The following COG6 variants were observed in gnomAD, a reference collection of about 807,000 sequenced individuals.
COG6 encodes component of oligomeric golgi complex 6, also known as conserved oligomeric Golgi complex subunit 6.
In COG6, 74 loss-of-function variants were observed where a neutral mutation model predicts 88.8. That is an observed-to-expected ratio of 0.83 (90% CI 0.69 to 1.01). COG6 has a LOEUF of 1.01. COG6 is among the 50% of genes least tolerant of loss of function. The probability of loss-of-function intolerance (pLI) is 0.00; values close to 1 mark genes in which losing one functional copy is unlikely to be tolerated. For missense variants in COG6, 800 were observed against 797.9 expected (o/e 1.00, Z -0.03); for synonymous variants, 286 against 278.7 (o/e 1.03, Z -0.26).
At chr13:39,786,795 AC>A (rs1478534496) in intron 18 of COG6, among the ~76,000 whole-genome samples, 1 of 152,144 alleles carries the variant, frequency 6.6e-6, no homozygotes, top group East Asian at 1.9e-4. Flanking sequence ...ATGAAGCAAA[AC>A]TTTTACTTGT....
At chr13:39,660,783 G>GT (rs1181895244) in intron 2 of COG6, 27 bp from the exon 3 acceptor site, 1 of 1,400,728 alleles carries the variant, frequency 7.1e-7, no homozygotes, top group South Asian at 1.2e-5. Flanking sequence ...TATATATGAT[G>GT]TTTGATGTTA....
chr13:39,778,050 A>G (rs1377398835), intron 18 of COG6, among the ~76,000 whole-genome samples: 1 of 152,198 alleles, frequency 6.6e-6, no homozygotes, highest in Non-Finnish European at 1.5e-5. Flanking sequence ...TAATCAACAC[A>G]TTATAGGAAA....
chr13:39,694,988 CA>C (rs1877193427), intron 12 of COG6, among the ~76,000 whole-genome samples: 2 of 150,004 alleles, frequency 1.3e-5, no homozygotes, highest in African/African-American at 2.5e-5. Flanking sequence ...CACACACACA[CA>C]CCCCTTATAT....
downstream of COG6, among the ~76,000 whole-genome samples, chr13:39,755,910 T>C (rs1880819549): frequency 1.3e-5 from 2 of 152,196 alleles, no homozygotes; most frequent in Non-Finnish European, 2.9e-5. Flanking sequence ...TTTTACAGAA[T>C]GAGTTCATGA....
chr13:39,774,236 G>C (rs1332168931), intron 18 of COG6, among the ~76,000 whole-genome samples: 2 of 152,024 alleles, frequency 1.3e-5, no homozygotes, highest in Non-Finnish European at 1.5e-5. Flanking sequence ...ACTTTATGAA[G>C]GTAATACACA....
At chr13:39,744,185 A>C (rs1880209145) in intron 18 of COG6, among the ~76,000 whole-genome samples, 1 of 152,190 alleles carries the variant, frequency 6.6e-6, no homozygotes, top group South Asian at 2.1e-4. Flanking sequence ...TCCCTTTGAA[A>C]ACTGGCACAA....
intron 18 of COG6, among the ~76,000 whole-genome samples, chr13:39,765,590 G>C (rs1463689359): frequency 6.6e-6 from 1 of 151,944 alleles, no homozygotes; most frequent in Non-Finnish European, 1.5e-5. Context: ...TCCAGCTTTT[G>C]GTGTTTTAAG....
At chr13:39,687,058 G>GT (rs534472312) in intron 8 of COG6, among the ~76,000 whole-genome samples, 42 of 152,206 alleles carry the variant, frequency 2.8e-4, no homozygotes, top group African/African-American at 9.9e-4. Flanking sequence ...ATTATAATCA[G>GT]TTTTTGAGAA....
At chr13:39,720,981 A>G (rs1253925933) in intron 15 of COG6, among the ~76,000 whole-genome samples, 1 of 152,088 alleles carries the variant, frequency 6.6e-6, no homozygotes, top group African/African-American at 2.4e-5. Flanking sequence ...AATTATTATT[A>G]CTATGTAAAC....
chr13:39,679,382 C>T (rs1876170678), intron 5 of COG6, 156 bp from the exon 6 acceptor site: 1 of 643,726 alleles, frequency 1.6e-6, no homozygotes, highest in African/African-American at 1.8e-5. Flanking sequence ...ACCAGTTACA[C>T]CGTCTATGAA....
intron 13 of COG6, among the ~76,000 whole-genome samples, chr13:39,716,202 T>G (rs1878521969): frequency 6.6e-6 from 1 of 152,046 alleles, no homozygotes; most frequent in Non-Finnish European, 1.5e-5. Context: ...ATAATTATTT[T>G]ATTTTCTTGA....
intron 18 of COG6, among the ~76,000 whole-genome samples, chr13:39,764,963 ATGAT>A (rs1337144292): frequency 2.0e-5 from 3 of 152,120 alleles, no homozygotes; most frequent in African/African-American, 7.2e-5. Flanking sequence ...TTAAATAACT[ATGAT>A]TGTGGATTTT....
chr13:39,733,574 G>A (rs541984614), intron 18 of COG6, among the ~76,000 whole-genome samples: 3 of 151,406 alleles, frequency 2.0e-5, no homozygotes, highest in South Asian at 2.1e-4. Flanking sequence ...CAGGGATATT[G>A]GCCTGTATTT....
rs1566193268 is a variant in COG6, at chr13:39,717,303, G to A, written c.1285-1933G>A. ...ATGTGTGTTACTGTAGGTCTCTTGA[G>A]TTTATCTTTCTTGGGGGTCAGTTAG... On this transcript the variant is annotated intron_variant, in intron 13 of 18. Transcript: ENST00000455146. Among the ~76,000 whole-genome samples the A allele has an allele frequency of 7.2e-5, 11 of 151,974 alleles. No homozygotes were observed. In the South Asian group the frequency reaches 2.3e-3, roughly 32 times the overall value.
At chr13:39,753,794 G>A (rs1880744079), downstream of COG6, among the ~76,000 whole-genome samples, 1 of 152,102 alleles carries the variant, frequency 6.6e-6, no homozygotes, top group African/African-American at 2.4e-5. Flanking sequence ...AAATAATGTT[G>A]TAATGTTCAT....
In COG6 at chr13:39,723,411, AAC is replaced by A; in HGVS notation, c.1666_1667del (p.Thr556CysfsTer5). The A allele has an allele frequency of 6.2e-7, 1 of 1,606,164 alleles. No individual in the cohort carries two copies. The highest frequency in any genetic ancestry group is 8.5e-7 in the Non-Finnish European group (1 of 1,173,076). ...LTRVGLSYIY[N>X]TVQQHKPEQG... ...TAGGGTAGGCTTGAGTTACATCTAT[AAC>A]ACTGTACAGCAACATAAACCTGAAC... On this transcript the variant is annotated frameshift_variant, in exon 16 of 19. Coordinates refer to ENST00000455146, the MANE Select transcript of COG6 (RefSeq NM_020751.3). LOFTEE classifies it high-confidence loss of function.
At chr13:39,726,482 A>T (rs1160079955) in intron 17 of COG6, among the ~76,000 whole-genome samples, 1 of 151,898 alleles carries the variant, frequency 6.6e-6, no homozygotes, top group African/African-American at 2.4e-5. Context: ...CCAAGTCCTG[A>T]TGGTCCTCAA....
At chr13:39,656,035 G>T (rs1874465080) in intron 1 of COG6, 156 bp downstream of exon 1, 2 of 985,568 alleles carry the variant, frequency 2.0e-6, no homozygotes, top group Admixed American at 4.0e-5. Context: ...CTCTGCGGGC[G>T]CCGGGGGCGG....
At chr13:39,756,543 A>G (rs983722443), downstream of COG6, among the ~76,000 whole-genome samples, 1 of 152,180 alleles carries the variant, frequency 6.6e-6, no homozygotes, top group Non-Finnish European at 1.5e-5. Context: ...TCCAAGTCGG[A>G]TGAACTAAAA....
Sources: gnomAD v4.1 joint callset for allele counts (sites outside exome capture counted in the v4.1 genomes callset) on GRCh38, gnomAD v4.1.1 for gene constraint, MANE v1.5 for transcripts, NCBI Gene and HGNC (gene_info 2026-07-23, HGNC 2026-07-21) for gene names.